MYO18A: variants seen among roughly 807,000 people sequenced by gnomAD.
MYO18A encodes the protein myosin XVIIIA.
In MYO18A, 78 loss-of-function variants were observed where a neutral mutation model predicts 235.8. The ratio of observed to expected loss-of-function variants is 0.33; its 90% CI spans 0.28 to 0.40. MYO18A has a LOEUF of 0.40. Among genes scored for constraint, MYO18A ranks in the 10% least tolerant of loss-of-function variants. The pLI is 1.00. For synonymous variants in MYO18A, 977 were observed against 1,077.8 expected (o/e 0.91, Z 1.83); for missense variants, 2,215 against 2,699.3 (o/e 0.82, Z 3.98).
chr17:29,139,332 G>A (rs1303326838), intron 2 of MYO18A, among the ~76,000 whole-genome samples: 1 of 152,134 alleles, frequency 6.6e-6, no homozygotes, highest in African/African-American at 2.4e-5. Context: ...CTAAATCTGT[G>A]ACCTGGTGCT....
chr17:29,074,045 C>G lies in MYO18A; in HGVS notation c.*725G>C, dbSNP rs528532342. 20 of 1,613,978 alleles carry G rather than the reference C, an allele frequency of 1.2e-5. No individual in the cohort carries two copies. The highest frequency in any genetic ancestry group is 2.7e-5 in the African/African-American group (2 of 74,906). Reference sequence around the variant, plus strand: ...TGGAGGTGCGGATGGTCCACACACACACTTGTCTGCGTAGGCTTGCTCAAC... The same window carrying G: ...TGGAGGTGCGGATGGTCCACACACAGACTTGTCTGCGTAGGCTTGCTCAAC... On this transcript the variant is annotated 3_prime_UTR_variant, in exon 42 of 42. Transcript: ENST00000527372. The surrounding 1 kb of genome is among the most constrained non-coding windows in gnomAD (Gnocchi z 4.4).
At chr17:29,085,458 A>G (rs1401505841) in intron 40 of MYO18A, 146 bp downstream of exon 40, 1 of 718,986 alleles carries the variant, frequency 1.4e-6, no homozygotes, top group Non-Finnish European at 2.4e-6. Flanking sequence ...TAGAGTCAGC[A>G]TGTTAGCGTT....
In MYO18A at chr17:29,166,265, G is replaced by T; in HGVS notation, c.676C>A (p.Arg226=). 6.2e-7 allele frequency: 1 copy of T among 1,612,926 alleles called. No individual in the cohort carries two copies. Residue 226 remains arginine, a synonymous_variant, in exon 2 of 42, where the codon CGG becomes AGG. Coordinates refer to ENST00000527372, the MANE Select transcript of MYO18A (RefSeq NM_078471.4). ...PTLRELELQR[R]PTGDFGFSLR... The stretch of plus-strand genomic sequence containing the variant: ...GAGAAGCCAAAGTCTCCAGTGGGCC[G>T]TCGTTGCAGCTCCAGCTCCCGGAGG...
At chr17:29,079,828 CCA>C (rs1466132474) in intron 41 of MYO18A, 3 of 986,078 alleles carry the variant, frequency 3.0e-6, no homozygotes, top group Non-Finnish European at 3.6e-6. Context: ...GTGCGTCTGC[CCA>C]GTTTCTTCAC....
rs1461784669 is a variant in MYO18A, at chr17:29,126,029, C to T, written c.1000-3776G>A. ...TGGAGAGGCCACAGCATGCGGAGCT[C>T]CCAGCCCAGGAAGCCACTGGGACCC... On this transcript the variant is annotated intron_variant, in intron 2 of 41. Coordinates refer to ENST00000527372, the MANE Select transcript of MYO18A (RefSeq NM_078471.4). This position sits in a 1 kb window ranked among gnomAD's most constrained non-coding sequence, Gnocchi z 4.1. 27 of 939,624 alleles carry T rather than the reference C, an allele frequency of 2.9e-5. No homozygotes were observed. The highest frequency in any genetic ancestry group is 3.4e-5 in the Non-Finnish European group (27 of 787,734). 58.2% of individuals were successfully genotyped at this position (939,624 alleles called of 1,614,324 possible). A position where few individuals can be genotyped will look rare whatever the true frequency, so the allele number is the denominator to read the frequency against.
At chr17:29,115,983 G>C (rs1362404697) in intron 11 of MYO18A, 143 bp from the exon 12 acceptor site, 9 of 864,708 alleles carry the variant, frequency 1.0e-5, no homozygotes, top group Admixed American at 3.0e-5. Flanking sequence ...GCAGAACAGG[G>C]GCAGCCAGCA....
Position 29,073,999 on chromosome 17 carries a change from C to G in MYO18A, c.*771G>C, listed in dbSNP as rs2065919925. The G allele has an allele frequency of 6.2e-7, 1 of 1,613,540 alleles. No homozygotes were observed. The highest frequency in any genetic ancestry group is 1.7e-5 in the Admixed American group (1 of 59,968). On this transcript the variant is annotated 3_prime_UTR_variant, in exon 42 of 42. Transcript: ENST00000527372. Reference sequence around the variant, plus strand: ...GGTCATTGCACATAACACGCTGAGACAAAGAGGGTGGGGTGGGGGCTGGAG... The same window carrying G: ...GGTCATTGCACATAACACGCTGAGAGAAAGAGGGTGGGGTGGGGGCTGGAG...
chr17:29,075,076 A>C, intron 41 of MYO18A, 162 bp from the exon 42 acceptor site: 2 of 755,346 alleles, frequency 2.6e-6, no homozygotes, highest in Non-Finnish European at 2.1e-6. Context: ...GATACTCAAA[A>C]TGCTAAGAGG....
At chr17:29,156,266 G>A (rs12939545) in intron 2 of MYO18A, among the ~76,000 whole-genome samples, 43,476 of 152,210 alleles carry the variant, frequency 0.29, 6,457 homozygotes, top group East Asian at 0.55. Context: ...TGAGACAGGC[G>A]CATTCCTCCA....
intron 2 of MYO18A, among the ~76,000 whole-genome samples, chr17:29,156,520 G>C (rs1053230605): frequency 1.3e-5 from 2 of 152,170 alleles, no homozygotes; most frequent in African/African-American, 4.8e-5. Flanking sequence ...TAAGGTCCTA[G>C]AGACAAGTCA....
chr17:29,086,548 A>G lies in MYO18A; in HGVS notation c.5742T>C (p.Ala1914=). Reference sequence around the variant, plus strand: ...TTAGGTCAGCCTGCAGGCTCTGGTTAGCAGCCTCCAGGCTTTCTAGATCCA... The same window carrying G: ...TTAGGTCAGCCTGCAGGCTCTGGTTGGCAGCCTCCAGGCTTTCTAGATCCA... ...LEMDLESLEA[A]NQSLQADLKL... Residue 1914 remains alanine (A), a synonymous_variant, in exon 39 of 42, where the codon GCT becomes GCC. Transcript: ENST00000527372. 6.2e-7 allele frequency: 1 copy of G among 1,613,314 alleles called. No homozygotes were observed. The highest frequency in any genetic ancestry group is 8.5e-7 in the Non-Finnish European group (1 of 1,179,662).
chr17:29,154,877 C>T (rs886433480), intron 2 of MYO18A, among the ~76,000 whole-genome samples: 9 of 152,208 alleles, frequency 5.9e-5, no homozygotes, highest in Non-Finnish European at 1.3e-4. Flanking sequence ...GCAGTCCACA[C>T]ATGAGGGAGG....
Position 29,110,089 on chromosome 17 carries a change from C to T in MYO18A, c.3100G>A (p.Asp1034Asn), listed in dbSNP as rs1266978431. 8.1e-6 allele frequency: 13 copies of T among 1,610,482 alleles called. No homozygotes were observed. Among genetic ancestry groups the T allele is most frequent in the Non-Finnish European group, 1.0e-5 (12 of 1,179,588 alleles). ...TGCAGCTTTGACTTCTTGATGGTGTCGATGAGGGCGTCCTGCCGAGGGGAA... is the reference window on the plus strand; with the variant it reads ...TGCAGCTTTGACTTCTTGATGGTGTTGATGAGGGCGTCCTGCCGAGGGGAA... The part of the protein sequence containing the change: ...QMKLQVDALI[D>N]TIKKSKLHFV... Residue 1034 changes from aspartate to asparagine, a missense_variant, in exon 19 of 42, where the codon GAC becomes AAC. Physicochemically the swap from Asp to Asn is conservative, Grantham distance 23. Transcript: ENST00000527372.
intron 28 of MYO18A, 121 bp from the exon 29 acceptor site, chr17:29,095,180 T>C: frequency 7.3e-7 from 1 of 1,365,862 alleles, no homozygotes; most frequent in Non-Finnish European, 9.7e-7. Context: ...CATGCAGCCC[T>C]AACGTGGGGC....
chr17:29,160,508 T>C (rs1228579287), intron 2 of MYO18A, among the ~76,000 whole-genome samples: 1 of 152,322 alleles, frequency 6.6e-6, no homozygotes, highest in East Asian at 1.9e-4. Context: ...CAAGGAAAGA[T>C]TATATTTTGT....
At chr17:29,163,799 G>C (rs537411216) in intron 2 of MYO18A, among the ~76,000 whole-genome samples, 74 of 152,338 alleles carry the variant, frequency 4.9e-4, no homozygotes, top group African/African-American at 1.8e-3. Context: ...AATCCCCTGG[G>C]GGATTCATTC....
chr17:29,119,275 G>A, intron 8 of MYO18A, 60 bp downstream of exon 8: 1 of 1,321,696 alleles, frequency 7.6e-7, no homozygotes, highest in Non-Finnish European at 1.1e-6. Context: ...TCAAGGTCCA[G>A]GAGCCCAGTC....
chr17:29,107,915 CAAAA>C (rs34077783), intron 19 of MYO18A, among the ~76,000 whole-genome samples: 3 of 76,442 alleles, frequency 3.9e-5, no homozygotes, highest in South Asian at 3.9e-4. Context: ...GACTGTGTCT[CAAAA>C]AAAAAAAAAA....
rs138390472 is a variant in MYO18A at position 29,072,902 on chromosome 17, A to T, written c.*1868T>A. On this transcript the variant is annotated 3_prime_UTR_variant, in exon 42 of 42. Coordinates refer to ENST00000527372, the MANE Select transcript of MYO18A (RefSeq NM_078471.4). ...CTGTCAATGAAGGAACAAAGCATGG[A>T]GTAGGGCATGAAGACAGGGACCGAG... The T allele has an allele frequency of 6.6e-6, 1 of 152,240 alleles. No individual in the cohort carries two copies. Among genetic ancestry groups the T allele is most frequent in the Non-Finnish European group, 1.5e-5 (1 of 68,056 alleles). 9.4% of individuals were successfully genotyped at this position (152,240 alleles called of 1,614,324 possible).
Sources: allele counts gnomAD v4.1 joint callset (sites outside exome capture counted in the v4.1 genomes callset), GRCh38; gene constraint gnomAD v4.1.1; non-coding constraint Gnocchi (gnomAD v3.1); transcripts MANE v1.5; gene names NCBI Gene and HGNC (gene_info 2026-07-23, HGNC 2026-07-21).